FPR1: variants seen among roughly 807,000 people sequenced by gnomAD.
FPR1 encodes the protein N-formyl peptide receptor 1.
For synonymous variants in FPR1, 193 were observed against 176.7 expected (o/e 1.09, Z -0.73); for missense variants, 407 against 453.0 (o/e 0.90, Z 0.92).
rs776269070 is a variant in FPR1 at position 51,746,186 on chromosome 19, T to G, written c.809A>C (p.Glu270Ala). The G allele has an allele frequency of 1.2e-6, 2 of 1,614,130 alleles. No individual in the cohort carries two copies. The highest frequency in any genetic ancestry group is 1.7e-6 in the Non-Finnish European group (2 of 1,180,034). ...VALIATVRIR[E>A]LLQGMYKEIG... ...TTCTTTGTACATGCCTTGCAATAAC[T>G]CACGGATTCTGACTGTGGCTATAAG... The change falls in exon 2 of 2, where the codon GAG (glutamate) becomes GCG (alanine). Residue 270 changes from glutamate to alanine, a missense_variant. Glu to Ala is a moderately radical substitution (Grantham distance 107). Coordinates refer to ENST00000304748, the MANE Select transcript of FPR1 (RefSeq NM_002029.4). This position sits in a 1 kb window ranked among gnomAD's most constrained non-coding sequence, Gnocchi z 4.3.
At chr19:51,749,306 G>A (rs922647257) in intron 1 of FPR1, among the ~76,000 whole-genome samples, 10 of 151,946 alleles carry the variant, frequency 6.6e-5, no homozygotes, top group African/African-American at 1.5e-4. Context: ...CTCTCTCATC[G>A]TGGGAAGCAA....
At chr19:51,747,078 C>A in intron 1 of FPR1, 73 bp from the exon 2 acceptor site, 3 of 1,166,780 alleles carry the variant, frequency 2.6e-6, no homozygotes, top group South Asian at 1.5e-5. Flanking sequence ...TCATTTCTGC[C>A]CCTGCCAGTT....
intron 1 of FPR1, among the ~76,000 whole-genome samples, chr19:51,749,264 C>G (rs193171945): frequency 6.1e-4 from 93 of 152,200 alleles, no homozygotes; most frequent in African/African-American, 2.0e-3. Flanking sequence ...TCTGCTCGCT[C>G]TCTCTCTTTA....
rs771446051 is a variant in FPR1, at chr19:51,746,190, G to A, written c.805C>T (p.Arg269Cys). The change falls in exon 2 of 2, where the codon CGT becomes TGT. Residue 269 changes from arginine to cysteine, a missense_variant. Coordinates refer to ENST00000304748, the MANE Select transcript of FPR1 (RefSeq NM_002029.4). The surrounding 1 kb of genome is among the most constrained non-coding windows in gnomAD (Gnocchi z 4.3). ...VVALIATVRI[R>C]ELLQGMYKEI... ...TTGTACATGCCTTGCAATAACTCACGGATTCTGACTGTGGCTATAAGGGCC... is the reference window on the plus strand; with the variant it reads ...TTGTACATGCCTTGCAATAACTCACAGATTCTGACTGTGGCTATAAGGGCC... 9 of 1,613,978 alleles carry A rather than the reference G, an allele frequency of 5.6e-6. No homozygotes were observed. The highest frequency in any genetic ancestry group is 2.2e-5 in the East Asian group (1 of 44,894).
Position 51,745,782 on chromosome 19 carries a change from A to G in FPR1, c.*160T>C. On this transcript the variant is annotated 3_prime_UTR_variant, in exon 2 of 2. Transcript: ENST00000304748. ...AAAAAGAAGTCAATAATAAACTCAT[A>G]TCTGTTTATTCTCCCCAAATCAGGG... 1 of 641,922 alleles carries G rather than the reference A, an allele frequency of 1.6e-6. No homozygotes were observed. Among genetic ancestry groups the G allele is most frequent in the Non-Finnish European group, 2.7e-6 (1 of 367,342 alleles). 39.8% of individuals were successfully genotyped at this position (641,922 alleles called of 1,614,324 possible). A position where few individuals can be genotyped will look rare whatever the true frequency, so the allele number is the denominator to read the frequency against.
At chr19:51,745,651 T>A, downstream of FPR1, 1 of 352,900 alleles carries the variant, frequency 2.8e-6, no homozygotes, top group Non-Finnish European at 5.3e-6. Context: ...TCAGGACTAA[T>A]AATAATGGGT....
intron 1 of FPR1, among the ~76,000 whole-genome samples, chr19:51,747,542 T>G (rs2083756284): frequency 6.6e-6 from 1 of 152,164 alleles, no homozygotes; most frequent in Non-Finnish European, 1.5e-5. Flanking sequence ...TGACACATCC[T>G]CATAATTGCT....
chr19:51,746,496 C>G lies in FPR1; in HGVS notation c.499G>C (p.Val167Leu). ...TLPVIIRVTT[V>L]PGKTGTVACT... ...GCTACTGTCCCCGTTTTACCAGGTA[C>G]TGTAGTCACACGAATGATAACTGGC... Residue 167 changes from valine (V) to leucine (L), a missense_variant, in exon 2 of 2, where the codon GTA becomes CTA. By Grantham distance (32) the Val-to-Leu change is conservative. Transcript: ENST00000304748. The surrounding 1 kb of genome is among the most constrained non-coding windows in gnomAD (Gnocchi z 4.3). The G allele has an allele frequency of 1.2e-6, 2 of 1,614,188 alleles. No homozygotes were observed. The highest frequency in any genetic ancestry group is 1.1e-5 in the South Asian group (1 of 91,080).
chr19:51,746,585 C>T lies in FPR1; in HGVS notation c.410G>A (p.Arg137His), dbSNP rs745998725. 9.3e-6 allele frequency: 15 copies of T among 1,614,038 alleles called. No homozygotes were observed. The highest frequency in any genetic ancestry group is 2.7e-5 in the African/African-American group (2 of 74,904). The part of the protein sequence containing the change: ...VLHPVWTQNH[R>H]TVSLAKKVII... Reference sequence around the variant, plus strand: ...CACCTTCTTGGCCAGGCTCACGGTGCGGTGGTTCTGGGTCCAGACTGGATG... The same window carrying T: ...CACCTTCTTGGCCAGGCTCACGGTGTGGTGGTTCTGGGTCCAGACTGGATG... Residue 137 changes from arginine to histidine, a missense_variant, in exon 2 of 2, where the codon CGC (arginine) becomes CAC (histidine). Coordinates refer to ENST00000304748, the MANE Select transcript of FPR1 (RefSeq NM_002029.4). This position sits in a 1 kb window ranked among gnomAD's most constrained non-coding sequence, Gnocchi z 4.3.
chr19:51,748,547 G>A (rs1018507135), intron 1 of FPR1, among the ~76,000 whole-genome samples: 12 of 152,144 alleles, frequency 7.9e-5, no homozygotes, highest in African/African-American at 2.4e-4. Flanking sequence ...TGCAACCTCC[G>A]CCTCCCGCGT....
At chr19:51,750,686 A>G (rs1235626328) in intron 1 of FPR1, 2 of 152,206 alleles carry the variant, frequency 1.3e-5, no homozygotes, top group Non-Finnish European at 2.9e-5. Flanking sequence ...ATTTTGTCCA[A>G]TTATGGTTCA....
At chr19:51,750,140 T>C (rs1568638991) in intron 1 of FPR1, 1 of 152,224 alleles carries the variant, frequency 6.6e-6, no homozygotes, top group Non-Finnish European at 1.5e-5. Context: ...CAAAAGTCTC[T>C]TTCTGCCTCT....
rs1217442849 is a variant in FPR1, at chr19:51,745,786, G to A, written c.*156C>T. On this transcript the variant is annotated 3_prime_UTR_variant, in exon 2 of 2. Coordinates refer to ENST00000304748, the MANE Select transcript of FPR1 (RefSeq NM_002029.4). ...AGAAGTCAATAATAAACTCATATCT[G>A]TTTATTCTCCCCAAATCAGGGGACA... 1 of 660,992 alleles carries A rather than the reference G, an allele frequency of 1.5e-6. No individual in the cohort carries two copies. Among genetic ancestry groups the A allele is most frequent in the African/African-American group, 1.8e-5 (1 of 54,166 alleles). 40.9% of individuals were successfully genotyped at this position (660,992 alleles called of 1,614,324 possible). A position where few individuals can be genotyped will look rare whatever the true frequency, so the allele number is the denominator to read the frequency against.
In FPR1 at chr19:51,746,115, TGTTGA is replaced by T. The variant is rs1243703973; in HGVS notation, c.875_879del (p.Phe292Ter). Reference sequence around the variant, plus strand: ...ACATAGAGCATGGGGTTGAGGCAGCTGTTGAAGAAGGCCAGGGCACTTGTCACATC... The same window carrying T: ...ACATAGAGCATGGGGTTGAGGCAGCTAGAAGGCCAGGGCACTTGTCACATC... On this transcript the variant is annotated frameshift_variant, in exon 2 of 2. Coordinates refer to ENST00000304748, the MANE Select transcript of FPR1 (RefSeq NM_002029.4). LOFTEE classifies it low-confidence loss of function (END_TRUNC). This position sits in a 1 kb window ranked among gnomAD's most constrained non-coding sequence, Gnocchi z 4.3. 1 of 1,614,174 alleles carries T rather than the reference TGTTGA, an allele frequency of 6.2e-7. No individual in the cohort carries two copies. Among genetic ancestry groups the T allele is most frequent in the Non-Finnish European group, 8.5e-7 (1 of 1,180,042 alleles).
In FPR1 at chr19:51,746,642, A is replaced by C; in HGVS notation, c.353T>G (p.Leu118Arg). 6.2e-7 allele frequency: 1 copy of C among 1,614,214 alleles called. No individual in the cohort carries two copies. Among genetic ancestry groups the C allele is most frequent in the Non-Finnish European group, 8.5e-7 (1 of 1,180,042 alleles). ...GCAAACACAGCGGTCCAGAGCAATG[A>C]GGGCGATCAGGAAGACACTTCCGAA... ...NLFGSVFLIA[L>R]IALDRCVCVL... The change falls in exon 2 of 2, where the codon CTC becomes CGC. Residue 118 changes from leucine (L) to arginine (R), a missense_variant. Leu to Arg is a moderately radical substitution (Grantham distance 102). Coordinates refer to ENST00000304748, the MANE Select transcript of FPR1 (RefSeq NM_002029.4). The surrounding 1 kb of genome is among the most constrained non-coding windows in gnomAD (Gnocchi z 4.3).
Position 51,746,431 on chromosome 19 carries a change from T to C in FPR1, c.564A>G (p.Lys188=), listed in dbSNP as rs369805689. 182 of 1,613,988 alleles carry C rather than the reference T, an allele frequency of 1.1e-4. No individual in the cohort carries two copies. Among genetic ancestry groups the C allele is most frequent in the Non-Finnish European group, 1.4e-4 (171 of 1,180,012 alleles). ...TGGCAACGGCCACATTTATCCTCTC[T>C]TTAGGGTCGTTGGTCCAGGGCGAAA... ...FNFSPWTNDP[K]ERINVAVAML... Residue 188 remains lysine (K), a synonymous_variant, in exon 2 of 2, where the codon AAA becomes AAG. Transcript: ENST00000304748. This position sits in a 1 kb window ranked among gnomAD's most constrained non-coding sequence, Gnocchi z 4.3.
In FPR1 at chr19:51,746,248, G is replaced by A; in HGVS notation, c.747C>T (p.Ala249=). The change falls in exon 2 of 2, where the codon GCC becomes GCT. Residue 249 remains alanine (A), a synonymous_variant. Coordinates refer to ENST00000304748, the MANE Select transcript of FPR1 (RefSeq NM_002029.4). This position sits in a 1 kb window ranked among gnomAD's most constrained non-coding sequence, Gnocchi z 4.3. ...GATATGGGGACCAGCAGAGAAAAAA[G>A]GCTGCTGCGACAAAGGAGAGGACCC... ...PLRVLSFVAA[A]FFLCWSPYQV... The A allele has an allele frequency of 6.2e-7, 1 of 1,614,146 alleles. No homozygotes were observed. Among genetic ancestry groups the A allele is most frequent in the South Asian group, 1.1e-5 (1 of 91,082 alleles).
chr19:51,745,834 TG>T lies in FPR1; in HGVS notation c.*107del. The T allele has an allele frequency of 1.2e-6, 1 of 849,188 alleles. No individual in the cohort carries two copies. The highest frequency in any genetic ancestry group is 1.8e-6 in the Non-Finnish European group (1 of 541,482). 52.6% of individuals were successfully genotyped at this position (849,188 alleles called of 1,614,324 possible). A position where few individuals can be genotyped will look rare whatever the true frequency, so the allele number is the denominator to read the frequency against. ...ACACAAAGGCTTTTTTTTTTTTTTC[TG>T]ATGAGTGGGTAATCCTAAAATAAGC... On this transcript the variant is annotated 3_prime_UTR_variant, in exon 2 of 2. Transcript: ENST00000304748.
At position 51,746,777 on chromosome 19, in the gene FPR1, C is replaced by T. The variant is rs1254617519; in HGVS notation, c.218G>A (p.Cys73Tyr). Reference protein sequence around the residue: ...SYLNLAVADFCFTSTLPFFMV... With the variant: ...SYLNLAVADFYFTSTLPFFMV... ...GAAGAATGGCAAAGTGGAGGTGAAA[C>T]AGAAGTCAGCCACGGCCAGGTTCAG... The change falls in exon 2 of 2, where the codon TGT becomes TAT. Residue 73 changes from cysteine to tyrosine, a missense_variant. Cys to Tyr is a radical substitution (Grantham distance 194). Transcript: ENST00000304748. The surrounding 1 kb of genome is among the most constrained non-coding windows in gnomAD (Gnocchi z 4.3). 6.2e-7 allele frequency: 1 copy of T among 1,614,052 alleles called. No individual in the cohort carries two copies. Among genetic ancestry groups the T allele is most frequent in the Non-Finnish European group, 8.5e-7 (1 of 1,180,038 alleles).
Sources: gnomAD v4.1 joint callset for allele counts (sites outside exome capture counted in the v4.1 genomes callset) on GRCh38, gnomAD v4.1.1 for gene constraint, Gnocchi (gnomAD v3.1) non-coding constraint, MANE v1.5 for transcripts, NCBI Gene and HGNC (gene_info 2026-07-23, HGNC 2026-07-21) for gene names.